The following LRRC63 variants were observed in gnomAD, a reference collection of about 807,000 sequenced individuals.
The protein encoded by LRRC63 is leucine rich repeat containing 63.
Under a neutral mutation model 49.5 loss-of-function variants are expected in LRRC63, and 40 were observed. The ratio of observed to expected loss-of-function variants is 0.81; its 90% CI spans 0.63 to 1.05. The LOEUF (loss-of-function observed/expected upper bound fraction) is 1.05. LRRC63 is among the 50% of genes least tolerant of loss of function. LRRC63 has a pLI of 0.00. For synonymous variants in LRRC63, 191 were observed against 221.1 expected (o/e 0.86, Z 1.21); for missense variants, 636 against 663.1 (o/e 0.96, Z 0.45).
intron 5 of LRRC63, among the ~76,000 whole-genome samples, chr13:46,235,201 A>G (rs2046870390): frequency 6.6e-6 from 1 of 152,184 alleles, no homozygotes; most frequent in Non-Finnish European, 1.5e-5. Context: ...GCCTTAGCAC[A>G]GAGTCGATCT....
rs1353339509 is a variant in LRRC63, at chr13:46,255,651, T to A, written c.1226+5160T>A. Among the ~76,000 whole-genome samples the A allele has an allele frequency of 2.1e-3, 283 of 136,114 alleles. 3 individuals carry two copies. Among genetic ancestry groups the A allele is most frequent in the African/African-American group, 9.5e-3 (274 of 28,710 alleles). 89.3% of individuals were successfully genotyped at this position (136,114 alleles called of 152,430 possible). Reference sequence around the variant, plus strand: ...AGAGTAAGACCCTGCCTCAAATATATATATATATATATATAGTTATTAGTA... The same window carrying A: ...AGAGTAAGACCCTGCCTCAAATATAAATATATATATATATAGTTATTAGTA... On this transcript the variant is annotated intron_variant, in intron 7 of 9. Transcript: ENST00000595396.
intron 9 of LRRC63, chr13:46,270,145 G>C: frequency 1.4e-6 from 1 of 719,030 alleles, no homozygotes; most frequent in Non-Finnish European, 2.6e-6. Context: ...TCACTCGCTG[G>C]TACAAAGCAG....
chr13:46,265,723 G>A (rs117136823), intron 8 of LRRC63, among the ~76,000 whole-genome samples: 2,552 of 152,244 alleles, frequency 0.017, 26 homozygotes, highest in Middle Eastern at 0.075. Flanking sequence ...CTCTGCTGCC[G>A]GCCCCTAGGC....
chr13:46,264,122 CT>C (rs2138577597), intron 8 of LRRC63, among the ~76,000 whole-genome samples: 1 of 152,246 alleles, frequency 6.6e-6, no homozygotes, highest in South Asian at 2.1e-4. Context: ...ATTCTTTTTT[CT>C]TCCTAAGCGA....
intron 6 of LRRC63, among the ~76,000 whole-genome samples, chr13:46,248,376 C>A (rs927359460): frequency 2.0e-5 from 3 of 151,870 alleles, no homozygotes; most frequent in Non-Finnish European, 2.9e-5. Flanking sequence ...TTCAATGATA[C>A]GCTGTCTGCA....
intron 9 of LRRC63, among the ~76,000 whole-genome samples, chr13:46,269,506 C>A (rs1448179136): frequency 6.8e-6 from 1 of 147,896 alleles, no homozygotes; most frequent in African/African-American, 2.4e-5. Flanking sequence ...ATATATATGT[C>A]ACCATCAGAC....
Position 46,217,912 on chromosome 13 carries a change from C to G in LRRC63, c.85+4793C>G, listed in dbSNP as rs898189848. On this transcript the variant is annotated intron_variant, in intron 2 of 9. Transcript: ENST00000595396. Reference sequence around the variant, plus strand: ...GTTGTTCAGTTTCCATGTAGTTGTGCAGTTTTGAGTGAGTTTCTTAATCCT... The same window carrying G: ...GTTGTTCAGTTTCCATGTAGTTGTGGAGTTTTGAGTGAGTTTCTTAATCCT... Among the ~76,000 whole-genome samples, 23 of 152,114 alleles carry G rather than the reference C, an allele frequency of 1.5e-4. 1 individual carries two copies. Among genetic ancestry groups the G allele is most frequent in the Admixed American group, 7.9e-4 (12 of 15,262 alleles).
At chr13:46,250,358 T>C (rs909697302) in exon 7 of LRRC63, 2 of 1,502,814 alleles carry the variant, frequency 1.3e-6, no homozygotes, top group African/African-American at 2.8e-5. Context: ...TCCCCAGATA[T>C]TATGTCTTAA....
At chr13:46,250,020 T>C (rs1414624824) in intron 6 of LRRC63, 2 of 161,774 alleles carry the variant, frequency 1.2e-5, no homozygotes, top group East Asian at 3.5e-4. Context: ...TTCCTGGTTC[T>C]GCAGATACCT....
exon 10 of LRRC63, chr13:46,276,849 TATTTA>T (rs1335804375): frequency 2.6e-4 from 38 of 146,090 alleles, no homozygotes; most frequent in Non-Finnish European, 4.1e-4. Flanking sequence ...TATATATATA[TATTTA>T]TATATATATA....
chr13:46,269,081 A>T (rs2047720386), intron 9 of LRRC63, among the ~76,000 whole-genome samples: 1 of 152,142 alleles, frequency 6.6e-6, no homozygotes, highest in South Asian at 2.1e-4. Context: ...AAAACACGTT[A>T]TCCCCAAATA....
At chr13:46,264,387 G>A (rs1221927002) in intron 8 of LRRC63, among the ~76,000 whole-genome samples, 1 of 152,042 alleles carries the variant, frequency 6.6e-6, no homozygotes, top group Non-Finnish European at 1.5e-5. Context: ...TCCTAGATCT[G>A]TCTTCCATGG....
intron 2 of LRRC63, among the ~76,000 whole-genome samples, chr13:46,223,816 A>G (rs2046487861): frequency 6.6e-6 from 1 of 152,166 alleles, no homozygotes. Context: ...AGATTGTGCC[A>G]CTGCACTCCA....
At chr13:46,223,637 C>A (rs963764843) in intron 2 of LRRC63, among the ~76,000 whole-genome samples, 1 of 151,968 alleles carries the variant, frequency 6.6e-6, no homozygotes, top group East Asian at 1.9e-4. Context: ...GGGTGGATCA[C>A]AAGGTCAGGA....
intron 3 of LRRC63, 139 bp downstream of exon 3, chr13:46,228,328 T>C (rs2046640177): frequency 1.5e-6 from 1 of 685,478 alleles, no homozygotes. Flanking sequence ...ATACATGTAA[T>C]ACTTGAGCCA....
Position 46,232,526 on chromosome 13 carries a change from A to G in LRRC63, c.833-1666A>G, listed in dbSNP as rs77844553. Among the ~76,000 whole-genome samples, 1,181 of 152,342 alleles carry G rather than the reference A, an allele frequency of 7.8e-3. 11 individuals are homozygous for G. Among genetic ancestry groups the G allele is most frequent in the Admixed American group, 0.012 (190 of 15,306 alleles). ...TTGAAATTCCATTCCTTAGGAATAA[A>G]GATGATGTTCTAGGAAAGAGGACAA... On this transcript the variant is annotated intron_variant, in intron 4 of 9. Transcript: ENST00000595396.
chr13:46,234,866 G>A (rs573664539), intron 5 of LRRC63, among the ~76,000 whole-genome samples: 60 of 152,238 alleles, frequency 3.9e-4, no homozygotes, highest in South Asian at 2.7e-3. Flanking sequence ...AAGTTGTAGA[G>A]CTTGGGTTTG....
intron 2 of LRRC63, 88 bp downstream of exon 2, chr13:46,213,207 T>C (rs2046145073): frequency 1.3e-6 from 1 of 778,124 alleles, no homozygotes; most frequent in Non-Finnish European, 2.0e-6. Flanking sequence ...TCACAATAAA[T>C]ACACTCACTA....
chr13:46,269,906 C>CATAT (rs149054055), intron 9 of LRRC63, among the ~76,000 whole-genome samples: 2,671 of 145,618 alleles, frequency 0.018, 85 homozygotes, highest in African/African-American at 0.06. Context: ...ACACTATATA[C>CATAT]ATATATATAT....
Sources: allele counts gnomAD v4.1 joint callset (sites outside exome capture counted in the v4.1 genomes callset), GRCh38; gene constraint gnomAD v4.1.1; transcripts MANE v1.5; gene names NCBI Gene and HGNC (gene_info 2026-07-23, HGNC 2026-07-21).